Variants in ZDHHC17 observed in about 807,000 individuals in gnomAD.
ZDHHC17 encodes the protein zDHHC palmitoyltransferase 17.
A neutral mutation model predicts 90.3 loss-of-function variants in ZDHHC17; 40 were observed. The observed-to-expected ratio is 0.44, with a 90% confidence interval of 0.34 to 0.58. The LOEUF (loss-of-function observed/expected upper bound fraction) is 0.58, where lower values mean the gene tolerates loss of function less well. Among genes scored for constraint, ZDHHC17 ranks in the 20% least tolerant of loss-of-function variants. The probability of loss-of-function intolerance (pLI) is 0.01; values close to 1 mark genes in which losing one functional copy is unlikely to be tolerated. For missense variants in ZDHHC17, 614 were observed against 780.8 expected, an observed-to-expected ratio of 0.79 and a Z score of 2.55; for synonymous variants, 235 against 252.4, an observed-to-expected ratio of 0.93 and a Z score of 0.65.
intron 5 of ZDHHC17, among the ~76,000 whole-genome samples, chr12:76,810,194 T>C (rs1386634141): frequency 1.3e-5 from 2 of 151,216 alleles, no homozygotes; most frequent in African/African-American, 4.9e-5. Context: ...TTTGAACTTA[T>C]TTATTGGTTA....
intron 1 of ZDHHC17, among the ~76,000 whole-genome samples, chr12:76,790,409 G>A (rs1057414907): frequency 3.3e-5 from 5 of 152,110 alleles, no homozygotes; most frequent in African/African-American, 1.2e-4. Context: ...GACTGAGGCA[G>A]GAGAATCAGT....
At chr12:76,848,963 T>C (rs1953526978) in intron 15 of ZDHHC17, among the ~76,000 whole-genome samples, 1 of 151,700 alleles carries the variant, frequency 6.6e-6, no homozygotes, top group Non-Finnish European at 1.5e-5. Flanking sequence ...TTCAAATTAA[T>C]TTTTTTATAT....
At chr12:76,825,210 T>C (rs1953216139) in intron 8 of ZDHHC17, among the ~76,000 whole-genome samples, 2 of 152,318 alleles carry the variant, frequency 1.3e-5, no homozygotes, top group South Asian at 4.1e-4. Context: ...ATACGCTAGA[T>C]GTTACCATTG....
chr12:76,788,707 T>TTTTTTTTTTTTTTC (rs1952723568), intron 1 of ZDHHC17, among the ~76,000 whole-genome samples: 1 of 138,146 alleles, frequency 7.2e-6, no homozygotes, highest in South Asian at 2.5e-4. Flanking sequence ...TTTTTTTTTT[T>TTTTTTTTTTTTTTC]TTTTTTTGAG....
chr12:76,786,614 C>T (rs1200610136), intron 1 of ZDHHC17, among the ~76,000 whole-genome samples: 4 of 152,130 alleles, frequency 2.6e-5, no homozygotes, highest in African/African-American at 9.7e-5. Flanking sequence ...GTCTCAAACT[C>T]CTGGCCGCAT....
At chr12:76,848,129 C>G in intron 14 of ZDHHC17, 104 bp from the exon 15 acceptor site, 1 of 1,198,242 alleles carries the variant, frequency 8.3e-7, no homozygotes, top group Non-Finnish European at 1.2e-6. Flanking sequence ...TCAGTTAAAT[C>G]TAGACTGTTT....
intron 10 of ZDHHC17, among the ~76,000 whole-genome samples, chr12:76,830,686 T>C (rs928756587): frequency 2.6e-5 from 4 of 152,184 alleles, no homozygotes; most frequent in Admixed American, 2.6e-4. Context: ...ACATATTTTC[T>C]AACTTTGTGT....
chr12:76,805,340 G>T lies in ZDHHC17; in HGVS notation c.221G>T (p.Arg74Leu). The T allele has an allele frequency of 6.2e-7, 1 of 1,601,622 alleles. No individual in the cohort carries two copies. The highest frequency in any genetic ancestry group is 2.3e-5 in the East Asian group (1 of 44,374). Residue 74 changes from arginine (R) to leucine (L), a missense_variant, in exon 3 of 17, where the codon CGA (arginine) becomes CTA (leucine). By Grantham distance (102) the Arg-to-Leu change is moderately radical. Around this residue, in one of 5 missense-constraint regions of ZDHHC17, gnomAD observed 358 missense variants for 380.4 expected, o/e 0.94. Coordinates refer to ENST00000426126, the MANE Select transcript of ZDHHC17 (RefSeq NM_015336.4). ...AGATATGGAATATATGAACGCTGTC[G>T]AGAATTGGTGGAAGCAGGTTATGAT... Reference protein sequence around the residue: ...ATQYGIYERCRELVEAGYDVR... With the variant: ...ATQYGIYERCLELVEAGYDVR...
At chr12:76,839,681 G>A (rs1398333945) in intron 10 of ZDHHC17, among the ~76,000 whole-genome samples, 2 of 152,026 alleles carry the variant, frequency 1.3e-5, no homozygotes, top group Non-Finnish European at 1.5e-5. Flanking sequence ...TCTTTAATTC[G>A]GGGGCTGTTT....
chr12:76,844,879 C>T (rs555073362), intron 12 of ZDHHC17: 1 of 152,204 alleles, frequency 6.6e-6, no homozygotes, highest in African/African-American at 2.4e-5. Flanking sequence ...ATATGTCTAG[C>T]ATTAGGACTG....
rs183233102 is a variant in ZDHHC17 at position 76,817,110 on chromosome 12, C to G, written c.771+1091C>G. Among the ~76,000 whole-genome samples the G allele has an allele frequency of 1.4e-3, 217 of 152,156 alleles. 3 individuals are homozygous for G. The highest frequency in any genetic ancestry group is 1.5e-3 in the Non-Finnish European group (100 of 67,914). On this transcript the variant is annotated intron_variant, in intron 7 of 16. Transcript: ENST00000426126. ...CTTGAGTTTTACCTAAGGTAGTTTT[C>G]ATGACTGCTGGGATACCTCTGCCAC...
chr12:76,795,362 C>A (rs1203116651), intron 1 of ZDHHC17, among the ~76,000 whole-genome samples: 1 of 152,068 alleles, frequency 6.6e-6, no homozygotes, highest in African/African-American at 2.4e-5. Context: ...CTTACCCTAT[C>A]CTGGGTGGGG....
intron 10 of ZDHHC17, among the ~76,000 whole-genome samples, chr12:76,832,764 A>T (rs2137792345): frequency 6.6e-6 from 1 of 152,326 alleles, no homozygotes; most frequent in South Asian, 2.1e-4. Flanking sequence ...AAACGGCAAA[A>T]TCTACACAAA....
chr12:76,823,978 TATG>T (rs764417569), intron 8 of ZDHHC17, among the ~76,000 whole-genome samples: 1 of 152,158 alleles, frequency 6.6e-6, no homozygotes, highest in Non-Finnish European at 1.5e-5. Context: ...ATGGCTGTCT[TATG>T]ATAATTAGGC....
intron 1 of ZDHHC17, among the ~76,000 whole-genome samples, chr12:76,786,860 G>C (rs1952693884): frequency 2.0e-5 from 3 of 152,150 alleles, no homozygotes; most frequent in African/African-American, 7.2e-5. Flanking sequence ...CTCCCTGATT[G>C]ATCTCCGTTG....
At position 76,797,431 on chromosome 12, in the gene ZDHHC17, C is replaced by T; in HGVS notation, c.94-3C>T. 1.3e-6 allele frequency: 2 copies of T among 1,588,030 alleles called. No homozygotes were observed. Among genetic ancestry groups the T allele is most frequent in the Non-Finnish European group, 1.7e-6 (2 of 1,169,578 alleles). On this transcript the variant is annotated splice_polypyrimidine_tract_variant and splice_region_variant and intron_variant, in intron 1 of 16. Transcript: ENST00000426126. ...TGCCTGTGTGTGATTTTCTTTTTAA[C>T]AGGAAATCAAACCCCAAAGCCATTA... is the stretch of plus-strand genomic sequence containing the variant.
rs188733058 is a variant in ZDHHC17 at position 76,812,309 on chromosome 12, T to G, written c.543+2452T>G. ...CTCCCCATCATCACTCTGCTTTAAC[T>G]GCACTAGTTTTTTTTTGCTACTTTT... On this transcript the variant is annotated intron_variant, in intron 5 of 16. Coordinates refer to ENST00000426126, the MANE Select transcript of ZDHHC17 (RefSeq NM_015336.4). 3.3e-5 allele frequency among the ~76,000 whole-genome samples: 5 copies of G among 152,262 alleles called. No homozygotes were observed. In the East Asian group the frequency reaches 9.7e-4, roughly 29 times the overall value.
chr12:76,764,875 T>G (rs990436320), intron 1 of ZDHHC17: 1 of 455,836 alleles, frequency 2.2e-6, no homozygotes, highest in Non-Finnish European at 4.4e-6. Flanking sequence ...GCATTTGTCC[T>G]TAAGCGATTA....
intron 1 of ZDHHC17, among the ~76,000 whole-genome samples, chr12:76,779,237 A>C (rs1363051398): frequency 6.6e-6 from 1 of 152,152 alleles, no homozygotes. Flanking sequence ...TGTGATTTGC[A>C]GTTATTTTCT....
Sources: allele counts gnomAD v4.1 joint callset (sites outside exome capture counted in the v4.1 genomes callset), GRCh38; gene constraint gnomAD v4.1.1; regional missense constraint gnomAD v4.1.1; transcripts MANE v1.5; gene names NCBI Gene and HGNC (gene_info 2026-07-23, HGNC 2026-07-21).